ACSM3: variants seen among roughly 807,000 people sequenced by gnomAD.
ACSM3 encodes the protein acyl-CoA synthetase medium chain family member 3.
In ACSM3, 61 loss-of-function variants were observed where a neutral mutation model predicts 74.1. The ratio of observed to expected loss-of-function variants is 0.82; its 90% confidence interval spans 0.67 to 1.02. The LOEUF (loss-of-function observed/expected upper bound fraction) is 1.02. ACSM3 is among the 50% of genes least tolerant of loss of function. The probability of loss-of-function intolerance (pLI) is 0.00; values close to 1 mark genes in which losing one functional copy is unlikely to be tolerated. For synonymous variants in ACSM3, 213 were observed against 241.5 expected (o/e 0.88, Z 1.09); for missense variants, 660 against 697.0 (o/e 0.95, Z 0.60).
At chr16:20,697,797 G>A (rs866486047) in intron 1 of ACSM3, 1 of 152,354 alleles carries the variant, frequency 6.6e-6, no homozygotes, top group Non-Finnish European at 1.5e-5. Flanking sequence ...ACCTTGAACA[G>A]AGAACTTGTT....
chr16:20,687,011 C>T lies in ACSM3; in HGVS notation c.-190+12189C>T, dbSNP rs1394203158. Among the ~76,000 whole-genome samples the T allele has an allele frequency of 6.0e-5, 9 of 150,682 alleles. No individual in the cohort carries two copies. In the South Asian group the frequency reaches 1.5e-3, roughly 25 times the overall value. The stretch of plus-strand genomic sequence containing the variant: ...TTTTTTTTTTTGGTCACCATTGCCC[C>T]CATCTCTTTCTGGTGTGGTGCGGTG... On this transcript the variant is annotated intron_variant, in intron 1 of 3. Coordinates refer to the ACSM3 transcript ENST00000561584.
rs140665877 is a variant in ACSM3 at position 20,792,054 on chromosome 16, G to A, written c.1379G>A (p.Gly460Glu). 61 of 1,613,966 alleles carry A rather than the reference G, an allele frequency of 3.8e-5. No individual in the cohort carries two copies. In the African/African-American group the frequency reaches 7.9e-4, roughly 21 times the overall value. The change falls in exon 11 of 14, where the codon GGG (glycine) becomes GAG (glutamate). Residue 460 changes from glycine (G) to glutamate (E), a missense_variant. Physicochemically the swap from Gly to Glu is moderately conservative, Grantham distance 98. Transcript: ENST00000289416. ...STLRGNFYIT[G>E]DRGYMDKDGY... Reference sequence around the variant, plus strand: ...CTACGAGGCAATTTCTATATCACTGGGGACAGAGGATATATGGATAAAGAT... The same window carrying A: ...CTACGAGGCAATTTCTATATCACTGAGGACAGAGGATATATGGATAAAGAT...
chr16:20,759,868 C>T (rs1256450266), upstream of ACSM3, among the ~76,000 whole-genome samples: 1 of 152,246 alleles, frequency 6.6e-6, no homozygotes, highest in Non-Finnish European at 1.5e-5. Flanking sequence ...AAGTGGGGGG[C>T]AGTCTTGTGG....
intron 1 of ACSM3, among the ~76,000 whole-genome samples, chr16:20,690,076 G>C (rs1288083377): frequency 6.6e-6 from 1 of 152,214 alleles, no homozygotes; most frequent in Non-Finnish European, 1.5e-5. Flanking sequence ...TTTTCTTGAG[G>C]TTACTATGCA....
At position 20,777,560 on chromosome 16, in the gene ACSM3, G is replaced by C. The variant is rs150984396; in HGVS notation, c.618G>C (p.Gly206=). ...IVSENSREGW[G]NLKELMKHAS... is the part of the protein sequence containing the mutation. ...CAGAGAACTCCAGAGAGGGGTGGGG[G>C]AACCTCAAGGAGTTGATGAAGTGAG... Residue 206 remains glycine (G), a synonymous_variant, in exon 4 of 14, where the codon GGG becomes GGC. Transcript: ENST00000289416. The C allele has an allele frequency of 6.2e-7, 1 of 1,613,872 alleles. No homozygotes were observed. The highest frequency in any genetic ancestry group is 1.1e-5 in the South Asian group (1 of 91,064).
intron 1 of ACSM3, among the ~76,000 whole-genome samples, chr16:20,696,470 A>G (rs569409160): frequency 3.8e-4 from 58 of 152,388 alleles, no homozygotes; most frequent in African/African-American, 1.3e-3. Flanking sequence ...CAGAAAGAGA[A>G]AAGCCAGTGT....
At chr16:20,704,561 C>T (rs2079721757) in intron 1 of ACSM3, among the ~76,000 whole-genome samples, 1 of 152,162 alleles carries the variant, frequency 6.6e-6, no homozygotes, top group African/African-American at 2.4e-5. Context: ...TGCTCTGAGG[C>T]AGAATACAAC....
intron 1 of ACSM3, chr16:20,719,364 G>A (rs1240537977): frequency 2.0e-5 from 5 of 249,534 alleles, no homozygotes; most frequent in Admixed American, 4.1e-5. Context: ...GGCACAGTTT[G>A]ACATTGACAC....
chr16:20,796,871 C>T lies in ACSM3; in HGVS notation c.1675-15C>T, dbSNP rs180962271. The T allele has an allele frequency of 3.2e-4, 517 of 1,609,404 alleles. 5 individuals carry two copies. The African/African-American group carries it at 6.6e-3, about 21-fold the overall frequency. On this transcript the variant is annotated splice_polypyrimidine_tract_variant and intron_variant, in intron 13 of 13. Coordinates refer to ENST00000289416, the MANE Select transcript of ACSM3 (RefSeq NM_005622.4). ...AAAATTTCCAGGCTAATTTTCTTCC[C>T]CTTGATGCCAACAGGTAGAATTTAT...
chr16:20,682,672 G>A (rs1031541333), intron 1 of ACSM3, among the ~76,000 whole-genome samples: 14 of 152,192 alleles, frequency 9.2e-5, no homozygotes, highest in African/African-American at 3.4e-4. Flanking sequence ...AGTTTTCCAA[G>A]TGATTCTTTT....
intron 1 of ACSM3, among the ~76,000 whole-genome samples, chr16:20,731,005 G>A (rs932907984): frequency 1.3e-5 from 2 of 152,132 alleles, no homozygotes; most frequent in African/African-American, 4.8e-5. Flanking sequence ...GACTACACAT[G>A]TGCATTATCG....
upstream of ACSM3, among the ~76,000 whole-genome samples, chr16:20,759,166 T>C (rs1596503160): frequency 2.0e-5 from 3 of 152,200 alleles, no homozygotes; most frequent in East Asian, 5.8e-4. Context: ...CCACTTCCCA[T>C]CCCCCTACCT....
chr16:20,741,535 C>A, intron 1 of ACSM3: 1 of 1,463,122 alleles, frequency 6.8e-7, no homozygotes, highest in East Asian at 3.2e-5. Flanking sequence ...ATGTCGTCGC[C>A]GTATTCGTTG....
At chr16:20,766,856 G>C (rs2080131507) in intron 1 of ACSM3, among the ~76,000 whole-genome samples, 2 of 152,220 alleles carry the variant, frequency 1.3e-5, no homozygotes, top group Admixed American at 1.3e-4. Context: ...TTAGTGGGCA[G>C]AATAGTGTGT....
intron 1 of ACSM3, among the ~76,000 whole-genome samples, chr16:20,686,730 C>G (rs1178653669): frequency 1.3e-5 from 2 of 151,960 alleles, no homozygotes; most frequent in Non-Finnish European, 2.9e-5. Flanking sequence ...AGGAGGATAG[C>G]CTGAGCCCAG....
intron 1 of ACSM3, among the ~76,000 whole-genome samples, chr16:20,707,089 C>G (rs1231718100): frequency 6.6e-6 from 1 of 152,092 alleles, no homozygotes; most frequent in Non-Finnish European, 1.5e-5. Context: ...CCAAGGCTCC[C>G]TCAGCTGAGG....
At chr16:20,708,230 G>A (rs185214459) in intron 1 of ACSM3, among the ~76,000 whole-genome samples, 1 of 152,268 alleles carries the variant, frequency 6.6e-6, no homozygotes, top group African/African-American at 2.4e-5. Flanking sequence ...GAACCCAGGA[G>A]GTGGAGGTTG....
chr16:20,689,214 T>A (rs2079609267), intron 1 of ACSM3, among the ~76,000 whole-genome samples: 1 of 151,912 alleles, frequency 6.6e-6, no homozygotes, highest in Non-Finnish European at 1.5e-5. Flanking sequence ...TGATTAAAAT[T>A]AAGTTGTTAT....
chr16:20,785,073 T>C lies in ACSM3; in HGVS notation c.1109T>C (p.Leu370Pro), dbSNP rs199851319. The C allele has an allele frequency of 3.7e-6, 6 of 1,613,502 alleles. No individual in the cohort carries two copies. In the East Asian group the frequency reaches 1.1e-4, roughly 30 times the overall value. Residue 370 changes from leucine to proline, a missense_variant, in exon 8 of 14, where the codon CTG (leucine) becomes CCG (proline). By Grantham distance (98) the Leu-to-Pro change is moderately conservative (BLOSUM62 -3). Coordinates refer to ENST00000289416, the MANE Select transcript of ACSM3 (RefSeq NM_005622.4). ...VTEKWRNKTG[L>P]DIYEGYGQTE... ...GAAAAATGGAGAAACAAGACGGGCC[T>C]GGATATCTACGAAGGATATGGACAG...
Sources: allele counts gnomAD v4.1 joint callset (sites outside exome capture counted in the v4.1 genomes callset), GRCh38; gene constraint gnomAD v4.1.1; transcripts MANE v1.5; gene names NCBI Gene and HGNC (gene_info 2026-07-23, HGNC 2026-07-21).